The following WDR20 variants were observed in gnomAD, a reference collection of about 807,000 sequenced individuals.
WDR20 encodes the protein WD repeat domain 20, also known as WD repeat-containing protein 20.
Under a neutral mutation model 38.7 loss-of-function variants are expected in WDR20, and 3 were observed. The observed-to-expected ratio is 0.08, with a 90% CI of 0.04 to 0.20. WDR20 has a LOEUF of 0.20. Among genes scored for constraint, WDR20 ranks in the 10% least tolerant of loss-of-function variants. The pLI is 1.00. For synonymous variants in WDR20, 298 were observed against 285.6 expected (o/e 1.04, Z -0.44); for missense variants, 559 against 727.7 (o/e 0.77, Z 2.67).
At chr14:102,185,130 A>G (rs1157025480) in intron 1 of WDR20, among the ~76,000 whole-genome samples, 2 of 152,148 alleles carry the variant, frequency 1.3e-5, no homozygotes, top group Non-Finnish European at 2.9e-5. Flanking sequence ...AGAAAGAAAC[A>G]TCTCTGTTTT....
At chr14:102,195,165 T>C (rs1445603263) in intron 2 of WDR20, 45 bp downstream of exon 2, 4 of 1,586,630 alleles carry the variant, frequency 2.5e-6, no homozygotes, top group Non-Finnish European at 2.6e-6. Context: ...CTTTAAGAGT[T>C]GATACATTCT....
chr14:102,157,482 G>T (rs540596102), intron 1 of WDR20, among the ~76,000 whole-genome samples: 1 of 152,234 alleles, frequency 6.6e-6, no homozygotes, highest in African/African-American at 2.4e-5. Flanking sequence ...AGCTGGCCAT[G>T]CTTTTTGCTT....
intron 1 of WDR20, among the ~76,000 whole-genome samples, chr14:102,163,736 G>C (rs911390278): frequency 2.6e-5 from 4 of 151,390 alleles, no homozygotes; most frequent in African/African-American, 9.7e-5. Flanking sequence ...AATTCTTTTG[G>C]GATAACCCAG....
intron 2 of WDR20, among the ~76,000 whole-genome samples, chr14:102,201,877 C>G (rs994543585): frequency 6.6e-6 from 1 of 152,182 alleles, no homozygotes; most frequent in African/African-American, 2.4e-5. Context: ...CCCCTGCCTT[C>G]CCTCCGCCTC....
At chr14:102,176,133 G>C (rs577706376) in intron 1 of WDR20, among the ~76,000 whole-genome samples, 1 of 152,202 alleles carries the variant, frequency 6.6e-6, no homozygotes, top group Non-Finnish European at 1.5e-5. Flanking sequence ...GGTGGCTCAC[G>C]CCTGTAATCT....
intron 1 of WDR20, chr14:102,179,092 G>A (rs1368108778): frequency 6.6e-6 from 1 of 152,062 alleles, no homozygotes; most frequent in African/African-American, 2.4e-5. Context: ...GCGTGTGCCT[G>A]TGTGGCTGTC....
At chr14:102,197,875 T>C in intron 2 of WDR20, 1 of 694,838 alleles carries the variant, frequency 1.4e-6, no homozygotes, top group Non-Finnish European at 2.6e-6. Flanking sequence ...GAACTAGAGT[T>C]GCGGCCATTG....
chr14:102,200,468 TGTGTGTGTGTGTGTGTGTGTG>T (rs769516947), intron 2 of WDR20, among the ~76,000 whole-genome samples: 2 of 43,078 alleles, frequency 4.6e-5, no homozygotes, highest in Non-Finnish European at 9.7e-5. Flanking sequence ...TTTTTTTTTT[TGTGTGTGTGTGTGTGTGTGTG>T]TGTGTGTGTG....
At chr14:102,149,376 T>A (rs1237920659) in intron 1 of WDR20, among the ~76,000 whole-genome samples, 1 of 152,200 alleles carries the variant, frequency 6.6e-6, no homozygotes, top group Non-Finnish European at 1.5e-5. Context: ...ATATGTGCTC[T>A]GCATGTGGCA....
intron 1 of WDR20, among the ~76,000 whole-genome samples, chr14:102,188,932 C>G (rs1185083554): frequency 6.7e-6 from 1 of 149,572 alleles, no homozygotes; most frequent in Non-Finnish European, 1.5e-5. Flanking sequence ...CTAAGGAAGG[C>G]CAGGTATGAT....
At chr14:102,216,312 G>A (rs567415317), downstream of WDR20, among the ~76,000 whole-genome samples, 5 of 152,186 alleles carry the variant, frequency 3.3e-5, no homozygotes, top group African/African-American at 7.2e-5. Flanking sequence ...TGAACAGGGC[G>A]TTTTGGTTTG....
intron 1 of WDR20, among the ~76,000 whole-genome samples, chr14:102,144,899 A>G (rs1409773213): frequency 6.6e-6 from 1 of 152,042 alleles, no homozygotes; most frequent in Non-Finnish European, 1.5e-5. Flanking sequence ...GGGTTTTGCC[A>G]TGTTGGCCAG....
rs200720619 is a variant in WDR20 at position 102,193,107 on chromosome 14, TTA to T, written c.250-1829_250-1828del. 4.5e-4 allele frequency among the ~76,000 whole-genome samples: 68 copies of T among 152,244 alleles called. No individual in the cohort carries two copies. In the East Asian group the frequency reaches 0.012, roughly 27 times the overall value. On this transcript the variant is annotated intron_variant, in intron 1 of 2. Transcript: ENST00000342702. ...TTGTTCTCTAGCTGCCAGTTATATCTTATTTTATATTTGTAGGTTTTTTTTTT... is the reference window on the plus strand; with the variant it reads ...TTGTTCTCTAGCTGCCAGTTATATCTTTTTATATTTGTAGGTTTTTTTTTT...
intron 1 of WDR20, among the ~76,000 whole-genome samples, chr14:102,160,759 G>T (rs1404980184): frequency 6.6e-6 from 1 of 151,386 alleles, no homozygotes; most frequent in Non-Finnish European, 1.5e-5. Flanking sequence ...TGGCTAACAC[G>T]GTGAAACCCC....
downstream of WDR20, chr14:102,212,371 C>A: frequency 3.5e-6 from 3 of 852,322 alleles, no homozygotes; most frequent in South Asian, 3.4e-5. Flanking sequence ...GTTCAGGGCC[C>A]AGTGGAGAGC....
In WDR20 at chr14:102,168,590, C is replaced by CT. The variant is rs767681038; in HGVS notation, c.250-26340dup. On this transcript the variant is annotated intron_variant, in intron 1 of 2. Coordinates refer to ENST00000342702, the MANE Select transcript of WDR20 (RefSeq NM_144574.4). ...CAGTTTGGTATGTAGATGAGCATTG[C>CT]TTTTTTTTGATGGTGTTCATAACCT... Among the ~76,000 whole-genome samples, 9 of 151,914 alleles carry CT rather than the reference C, an allele frequency of 5.9e-5. No individual in the cohort carries two copies. In the South Asian group the frequency reaches 6.3e-4, roughly 11 times the overall value.
chr14:102,217,964 G>A (rs191062872), downstream of WDR20, among the ~76,000 whole-genome samples: 6 of 152,342 alleles, frequency 3.9e-5, no homozygotes, highest in East Asian at 1.9e-4. Context: ...CAGGGGCTAC[G>A]TGCAGGGCCA....
At chr14:102,169,508 GATGA>G (rs973276866) in intron 1 of WDR20, among the ~76,000 whole-genome samples, 4 of 152,074 alleles carry the variant, frequency 2.6e-5, no homozygotes, top group African/African-American at 9.7e-5. Context: ...ATAAATATTG[GATGA>G]ATGGATAGTG....
chr14:102,173,239 A>G (rs2061339829), intron 1 of WDR20, among the ~76,000 whole-genome samples: 1 of 150,986 alleles, frequency 6.6e-6, no homozygotes, highest in African/African-American at 2.4e-5. Context: ...CAGCCTCACG[A>G]GCAGTTGGAA....
Sources: gnomAD v4.1 joint callset for allele counts (sites outside exome capture counted in the v4.1 genomes callset) on GRCh38, gnomAD v4.1.1 for gene constraint, MANE v1.5 for transcripts, NCBI Gene and HGNC (gene_info 2026-07-23, HGNC 2026-07-21) for gene names.